The following WDR89 variants were observed in gnomAD, a reference collection of about 807,000 sequenced individuals.
WDR89 encodes the protein WD repeat domain 89.
Under a neutral mutation model 29.1 loss-of-function variants are expected in WDR89, and 17 were observed. The observed-to-expected ratio is 0.58, with a 90% CI of 0.40 to 0.88. The LOEUF (loss-of-function observed/expected upper bound fraction) is 0.88, where lower values mean the gene tolerates loss of function less well. Ranked by LOEUF, WDR89 falls within the 40% of genes least tolerant of loss-of-function variation. WDR89 has a pLI of 0.00. For synonymous variants in WDR89, 138 were observed against 157.8 expected, an observed-to-expected ratio of 0.87 and a Z score of 0.94; for missense variants, 396 against 456.3, an observed-to-expected ratio of 0.87 and a Z score of 1.20.
chr14:63,601,216 C>A (rs754003517), intron 2 of WDR89, among the ~76,000 whole-genome samples: 5 of 151,912 alleles, frequency 3.3e-5, no homozygotes, highest in Non-Finnish European at 5.9e-5. Flanking sequence ...ACTAAGTTTG[C>A]AGTAATTTGT....
At chr14:63,626,847 G>C (rs1358159334) in intron 1 of WDR89, among the ~76,000 whole-genome samples, 1 of 151,934 alleles carries the variant, frequency 6.6e-6, no homozygotes, top group Non-Finnish European at 1.5e-5. Context: ...GTTGGGCACA[G>C]TGGCTCACAC....
Position 63,599,887 on chromosome 14 carries a change from C to T in WDR89, c.56G>A (p.Gly19Glu). The T allele has an allele frequency of 6.2e-7, 1 of 1,613,438 alleles. No individual in the cohort carries two copies. Residue 19 changes from glycine (G) to glutamate (E), a missense_variant, in exon 3 of 3, where the codon GGA becomes GAA. Coordinates refer to ENST00000620954, the MANE Select transcript of WDR89 (RefSeq NM_080666.4). The stretch of plus-strand genomic sequence containing the variant: ...AAGAAGGTAAGTGGGCTCTTTGGTT[C>T]CTAAGGAACATTTAACAATGTGCAG... ...ANLHIVKCSL[G>E]TKEPTYLLGI... is the part of the protein sequence containing the mutation.
chr14:63,614,563 G>A (rs528490241), intron 2 of WDR89, among the ~76,000 whole-genome samples: 14 of 152,286 alleles, frequency 9.2e-5, no homozygotes, highest in African/African-American at 3.4e-4. Context: ...TTCAGAGAAA[G>A]AGGGAAGAGT....
chr14:63,626,082 G>C (rs1336156359), intron 1 of WDR89, among the ~76,000 whole-genome samples: 1 of 152,038 alleles, frequency 6.6e-6, no homozygotes. Context: ...TCAATCTCCT[G>C]ACCTCGTGAT....
chr14:63,640,260 C>G (rs1884014842), intron 1 of WDR89, among the ~76,000 whole-genome samples: 1 of 152,284 alleles, frequency 6.6e-6, no homozygotes, highest in Middle Eastern at 3.4e-3. Context: ...AAAGCAGAAA[C>G]AGTCACGTGG....
chr14:63,610,235 A>AAAAAC lies in WDR89; in HGVS notation c.-31-10263_-31-10262insGTTTT, dbSNP rs1429505776. 1.4e-4 allele frequency among the ~76,000 whole-genome samples: 21 copies of AAAAAC among 151,204 alleles called. 1 individual carries two copies. Among genetic ancestry groups the AAAAAC allele is most frequent in the African/African-American group, 5.1e-4 (21 of 41,238 alleles). ...ACTCTGTCTTAAAAAAAAAAAAAAA[A>AAAAAC]AAAAAAAAACTCTTGGATTACAATC... On this transcript the variant is annotated intron_variant, in intron 2 of 2. Transcript: ENST00000620954.
At chr14:63,627,542 C>G (rs1002702972) in intron 1 of WDR89, among the ~76,000 whole-genome samples, 1 of 152,150 alleles carries the variant, frequency 6.6e-6, no homozygotes, top group East Asian at 1.9e-4. Flanking sequence ...TTTCACCACC[C>G]TAAAAATCCT....
chr14:63,618,970 GAAATGTGGGT>G (rs1882497055), intron 2 of WDR89, among the ~76,000 whole-genome samples: 1 of 152,154 alleles, frequency 6.6e-6, no homozygotes, highest in Non-Finnish European at 1.5e-5. Flanking sequence ...AGTTAACAAT[GAAATGTGGGT>G]CTAGGTCAAG....
chr14:63,599,420 G>T lies in WDR89; in HGVS notation c.523C>A (p.Gln175Lys). 1 of 1,614,144 alleles carries T rather than the reference G, an allele frequency of 6.2e-7. No homozygotes were observed. Among genetic ancestry groups the T allele is most frequent in the African/African-American group, 1.3e-5 (1 of 75,034 alleles). ...GGATTGCTGGGATGGAAACGTACTT[G>T]AGTGACATCATCACTATGTGTCTCT... The part of the protein sequence containing the change: ...YSETHSDDVT[Q>K]VRFHPSNPNM... Residue 175 changes from glutamine to lysine, a missense_variant, in exon 3 of 3, where the codon CAA becomes AAA. Physicochemically the swap from Gln to Lys is moderately conservative, Grantham distance 53 (BLOSUM62 1). Coordinates refer to ENST00000620954, the MANE Select transcript of WDR89 (RefSeq NM_080666.4).
At chr14:63,636,748 C>T (rs1883763354) in intron 1 of WDR89, among the ~76,000 whole-genome samples, 1 of 152,150 alleles carries the variant, frequency 6.6e-6, no homozygotes, top group Non-Finnish European at 1.5e-5. Flanking sequence ...TCATCTCTCA[C>T]CTTATACAAA....
intron 2 of WDR89, among the ~76,000 whole-genome samples, chr14:63,603,456 T>TC (rs1895175232): frequency 6.6e-6 from 1 of 152,214 alleles, no homozygotes; most frequent in Non-Finnish European, 1.5e-5. Flanking sequence ...GAGTTCAGGA[T>TC]CTATTAATTG....
chr14:63,610,585 C>T (rs543226927), intron 2 of WDR89, among the ~76,000 whole-genome samples: 16 of 152,136 alleles, frequency 1.1e-4, no homozygotes, highest in African/African-American at 2.9e-4. Flanking sequence ...CATGAACCCC[C>T]GGTATGATGT....
Position 63,599,344 on chromosome 14 carries a change from A to G in WDR89, c.599T>C (p.Ile200Thr), listed in dbSNP as rs1555373501. 6 of 1,614,192 alleles carry G rather than the reference A, an allele frequency of 3.7e-6. No individual in the cohort carries two copies. In the East Asian group the frequency reaches 1.1e-4, roughly 30 times the overall value. Residue 200 changes from isoleucine to threonine, a missense_variant, in exon 3 of 3, where the codon ATT (isoleucine) becomes ACT (threonine). Physicochemically the swap from Ile to Thr is moderately conservative, Grantham distance 89 (BLOSUM62 -1). Coordinates refer to ENST00000620954, the MANE Select transcript of WDR89 (RefSeq NM_080666.4). ...SSDGLVNVFD[I>T]NIDNEEDALV... ...TGCATCCTCCTCATTATCAATATTA[A>G]TATCAAATACATTTACCAGGCCATC...
At chr14:63,619,174 A>G (rs1882511498) in intron 2 of WDR89, among the ~76,000 whole-genome samples, 1 of 152,156 alleles carries the variant, frequency 6.6e-6, no homozygotes, top group South Asian at 2.1e-4. Flanking sequence ...GACTGAGTGG[A>G]GCAGCAACAA....
chr14:63,618,209 C>T (rs1274605026), intron 2 of WDR89: 1 of 152,182 alleles, frequency 6.6e-6, no homozygotes, highest in Non-Finnish European at 1.5e-5. Flanking sequence ...GGCTGGAGTA[C>T]AATGGCACAA....
intron 2 of WDR89, among the ~76,000 whole-genome samples, chr14:63,608,751 G>A (rs1406999947): frequency 6.6e-6 from 1 of 151,914 alleles, no homozygotes; most frequent in Non-Finnish European, 1.5e-5. Context: ...TGAAGACCAT[G>A]CCTTCTGCCT....
chr14:63,612,616 C>A (rs1349677154), intron 2 of WDR89, among the ~76,000 whole-genome samples: 1 of 152,098 alleles, frequency 6.6e-6, no homozygotes, highest in Non-Finnish European at 1.5e-5. Flanking sequence ...CTCAGGTGAT[C>A]CATCCGCCTC....
intron 2 of WDR89, among the ~76,000 whole-genome samples, chr14:63,606,409 G>C (rs548065970): frequency 6.4e-4 from 98 of 152,300 alleles, no homozygotes; most frequent in African/African-American, 2.3e-3. Context: ...TATTACAAAA[G>C]AGGAAAAAAG....
intron 2 of WDR89, among the ~76,000 whole-genome samples, chr14:63,606,286 A>G (rs1464575322): frequency 6.6e-6 from 1 of 152,222 alleles, no homozygotes; most frequent in Non-Finnish European, 1.5e-5. Flanking sequence ...TAGAAGTAAA[A>G]TTAGAAAATA....
Sources: allele counts gnomAD v4.1 joint callset (sites outside exome capture counted in the v4.1 genomes callset), GRCh38; gene constraint gnomAD v4.1.1; transcripts MANE v1.5; gene names NCBI Gene and HGNC (gene_info 2026-07-23, HGNC 2026-07-21).